Variants in INO80 observed in about 807,000 individuals in gnomAD.
INO80 encodes the protein chromatin-remodeling ATPase INO80.
In INO80, 20 loss-of-function variants were observed where a neutral mutation model predicts 203.4. The observed-to-expected ratio is 0.10, with a 90% confidence interval of 0.07 to 0.14. The LOEUF (loss-of-function observed/expected upper bound fraction) is 0.14, where lower values mean the gene tolerates loss of function less well. Ranked by LOEUF, INO80 falls within the 10% of genes least tolerant of loss-of-function variation. The probability of loss-of-function intolerance (pLI) is 1.00; values close to 1 mark genes in which losing one functional copy is unlikely to be tolerated. For synonymous variants in INO80, 726 were observed against 685.2 expected, an observed-to-expected ratio of 1.06 and a Z score of -0.93; for missense variants, 1,419 against 1,914.4, an observed-to-expected ratio of 0.74 and a Z score of 4.83.
At chr15:41,076,469 T>C (rs996635893) in intron 9 of INO80, among the ~76,000 whole-genome samples, 5 of 123,122 alleles carry the variant, frequency 4.1e-5, no homozygotes, top group Admixed American at 3.6e-4. Context: ...AAACTTTCTT[T>C]TTTTTTTTTT....
At chr15:41,020,861 C>A in intron 26 of INO80, 39 bp downstream of exon 26, 1 of 1,345,858 alleles carries the variant, frequency 7.4e-7, no homozygotes, top group South Asian at 1.2e-5. Flanking sequence ...CTCCCCTTGC[C>A]AAAGCGAGGA....
intron 29 of INO80, among the ~76,000 whole-genome samples, chr15:40,992,762 CTTCAGAA>C (rs1305623337): frequency 2.0e-5 from 3 of 152,186 alleles, no homozygotes; most frequent in African/African-American, 7.2e-5. Flanking sequence ...ATGTAAATTA[CTTCAGAA>C]TTCAGAAATC....
chr15:41,066,945 C>G (rs2045230965), intron 14 of INO80, among the ~76,000 whole-genome samples: 1 of 151,696 alleles, frequency 6.6e-6, no homozygotes, highest in Non-Finnish European at 1.5e-5. Flanking sequence ...AATGATAGCT[C>G]TGTTTCAGGC....
chr15:41,039,662 C>T (rs1283087818), intron 24 of INO80, among the ~76,000 whole-genome samples: 3 of 152,226 alleles, frequency 2.0e-5, no homozygotes, highest in African/African-American at 7.2e-5. Flanking sequence ...TCACAGTCTA[C>T]ACTGGAGATT....
At chr15:41,028,379 G>A (rs963165512) in intron 24 of INO80, among the ~76,000 whole-genome samples, 1 of 152,014 alleles carries the variant, frequency 6.6e-6, no homozygotes, top group Non-Finnish European at 1.5e-5. Flanking sequence ...CAGGTGATCC[G>A]CCTGCCTTGG....
intron 1 of INO80, among the ~76,000 whole-genome samples, chr15:41,097,071 G>A (rs1053254508): frequency 2.0e-5 from 3 of 152,122 alleles, no homozygotes; most frequent in East Asian, 1.9e-4. Flanking sequence ...GTATAACAAC[G>A]CTTCTCCCAC....
At chr15:40,992,733 C>T (rs1415799928) in intron 29 of INO80, among the ~76,000 whole-genome samples, 1 of 152,202 alleles carries the variant, frequency 6.6e-6, no homozygotes, top group Non-Finnish European at 1.5e-5. Context: ...AATCCCCAAG[C>T]CCTTCCCCCA....
chr15:41,089,032 T>C (rs2045598539), intron 5 of INO80, among the ~76,000 whole-genome samples: 2 of 150,360 alleles, frequency 1.3e-5, no homozygotes, highest in South Asian at 2.1e-4. Flanking sequence ...CTACTAAAAA[T>C]AAAAAAAATT....
intron 1 of INO80, among the ~76,000 whole-genome samples, chr15:41,105,141 A>G (rs1046591156): frequency 6.6e-6 from 1 of 152,246 alleles, no homozygotes; most frequent in Non-Finnish European, 1.5e-5. Context: ...ATAATTACAT[A>G]AAGAGCAAAT....
intron 25 of INO80, among the ~76,000 whole-genome samples, chr15:41,025,805 C>A (rs185477308): frequency 6.6e-6 from 1 of 152,266 alleles, no homozygotes; most frequent in Non-Finnish European, 1.5e-5. Context: ...TCTCAGAAAT[C>A]TAAACTTCCT....
At chr15:41,043,359 A>T (rs1416415220) in intron 24 of INO80, among the ~76,000 whole-genome samples, 2 of 152,292 alleles carry the variant, frequency 1.3e-5, no homozygotes, top group East Asian at 3.9e-4. Context: ...CTTCAGACAT[A>T]CCAGTGTTCC....
chr15:41,098,435 G>A (rs544246486), intron 1 of INO80, among the ~76,000 whole-genome samples: 10 of 152,274 alleles, frequency 6.6e-5, no homozygotes, highest in African/African-American at 2.4e-4. Flanking sequence ...AGCACTCTGG[G>A]AGACTGAAGT....
chr15:41,060,792 C>G (rs1234140557), intron 14 of INO80, among the ~76,000 whole-genome samples: 3 of 152,092 alleles, frequency 2.0e-5, no homozygotes, highest in Non-Finnish European at 4.4e-5. Context: ...TGCATCCCCA[C>G]CAACCCCCAA....
At chr15:41,046,478 C>G (rs774796641) in intron 23 of INO80, among the ~76,000 whole-genome samples, 3 of 151,514 alleles carry the variant, frequency 2.0e-5, no homozygotes, top group East Asian at 1.9e-4. Context: ...CCACCTGCCT[C>G]GGCCTCCCAA....
intron 24 of INO80, among the ~76,000 whole-genome samples, chr15:41,037,773 C>A (rs1032885343): frequency 6.6e-6 from 1 of 151,716 alleles, no homozygotes; most frequent in African/African-American, 2.4e-5. Flanking sequence ...CGAAACCCCA[C>A]CTCTACTAAA....
At chr15:41,050,495 A>G (rs1335084633) in intron 19 of INO80, among the ~76,000 whole-genome samples, 2 of 152,164 alleles carry the variant, frequency 1.3e-5, no homozygotes, top group African/African-American at 4.8e-5. Flanking sequence ...CTTTTCCACA[A>G]TTTACTAAAT....
intron 29 of INO80, among the ~76,000 whole-genome samples, chr15:40,995,680 G>A (rs750914955): frequency 4.6e-5 from 7 of 152,196 alleles, no homozygotes; most frequent in Non-Finnish European, 7.3e-5. Context: ...CTGGGACAAA[G>A]TGATGAATCT....
chr15:41,040,780 C>CA (rs57433008), intron 24 of INO80, among the ~76,000 whole-genome samples: 49 of 140,082 alleles, frequency 3.5e-4, no homozygotes, highest in South Asian at 1.8e-3. Flanking sequence ...GATCCTGTTT[C>CA]AAAAAAAAAA....
intron 27 of INO80, among the ~76,000 whole-genome samples, chr15:41,012,590 G>A (rs1474927543): frequency 1.9e-5 from 2 of 103,596 alleles, no homozygotes; most frequent in Non-Finnish European, 4.0e-5. Context: ...TCCTATAGGC[G>A]ATTCAGTAAA....
Sources: gnomAD v4.1 joint callset for allele counts (sites outside exome capture counted in the v4.1 genomes callset) on GRCh38, gnomAD v4.1.1 for gene constraint, MANE v1.5 for transcripts, NCBI Gene and HGNC (gene_info 2026-07-23, HGNC 2026-07-21) for gene names.